The following STK33 variants were observed in gnomAD, a reference collection of about 807,000 sequenced individuals.
STK33 encodes serine/threonine kinase 33.
In STK33, 52 loss-of-function variants were observed where a neutral mutation model predicts 58.0. The ratio of observed to expected loss-of-function variants is 0.90; its 90% CI spans 0.72 to 1.13. The LOEUF is 1.13. STK33 is among the 50% of genes most tolerant of loss of function. The pLI, the probability that STK33 is intolerant of heterozygous loss-of-function variation, is 0.00. For missense variants in STK33, 630 were observed against 604.2 expected, an observed-to-expected ratio of 1.04 and a Z score of -0.45; for synonymous variants, 215 against 200.1, an observed-to-expected ratio of 1.07 and a Z score of -0.63.
chr11:8,498,211 C>T (rs1951211679), intron 1 of STK33, among the ~76,000 whole-genome samples: 1 of 151,998 alleles, frequency 6.6e-6, no homozygotes, highest in Admixed American at 6.6e-5. Flanking sequence ...GAAAAAAGCA[C>T]TCAGCAAACA....
chr11:8,441,015 G>A (rs969780610), intron 11 of STK33, among the ~76,000 whole-genome samples: 3 of 152,096 alleles, frequency 2.0e-5, no homozygotes, highest in African/African-American at 7.2e-5. Flanking sequence ...TCTTTAAATT[G>A]TTAAGAAATG....
At position 8,523,166 on chromosome 11, in the gene STK33, C is replaced by T. The variant is rs1253321758; in HGVS notation, c.-465-42552G>A. Among the ~76,000 whole-genome samples, 7 of 152,296 alleles carry T rather than the reference C, an allele frequency of 4.6e-5. No individual in the cohort carries two copies. The South Asian group carries it at 6.2e-4, about 14-fold the overall frequency. ...ACAACCTCCACCTCCCAGCTGCCTGCGATGGCCTCCCAAAGTGCCGAGATT... is the reference window on the plus strand; with the variant it reads ...ACAACCTCCACCTCCCAGCTGCCTGTGATGGCCTCCCAAAGTGCCGAGATT... On this transcript the variant is annotated intron_variant, in intron 1 of 15. Transcript: ENST00000687296.
At chr11:8,402,613 A>C (rs1384332988) in intron 15 of STK33, among the ~76,000 whole-genome samples, 1 of 144,552 alleles carries the variant, frequency 6.9e-6, no homozygotes, top group Non-Finnish European at 1.5e-5. Flanking sequence ...CTTAAATTAT[A>C]ATAATAAAAA....
chr11:8,548,164 A>T (rs562387690), intron 1 of STK33, among the ~76,000 whole-genome samples: 8 of 151,136 alleles, frequency 5.3e-5, no homozygotes, highest in Admixed American at 2.6e-4. Context: ...AGTATAATAA[A>T]AAAAAAAAAA....
At chr11:8,432,552 T>C (rs905183180) in intron 14 of STK33, among the ~76,000 whole-genome samples, 2 of 152,148 alleles carry the variant, frequency 1.3e-5, no homozygotes, top group South Asian at 2.1e-4. Flanking sequence ...ACAAGAGAAA[T>C]AGTTATTTTT....
chr11:8,541,891 G>A (rs1366531795), intron 1 of STK33, among the ~76,000 whole-genome samples: 3 of 152,086 alleles, frequency 2.0e-5, no homozygotes, highest in Non-Finnish European at 4.4e-5. Flanking sequence ...GATATAATAA[G>A]TTTTAAAGCT....
chr11:8,402,374 CAA>C (rs1178031683), intron 15 of STK33, among the ~76,000 whole-genome samples: 73 of 152,132 alleles, frequency 4.8e-4, no homozygotes, highest in Admixed American at 7.9e-4. Flanking sequence ...GACAAAAAAC[CAA>C]ACACCACGTG....
intron 1 of STK33, among the ~76,000 whole-genome samples, chr11:8,536,416 G>A (rs745674627): frequency 5.3e-5 from 8 of 152,068 alleles, no homozygotes; most frequent in Non-Finnish European, 8.8e-5. Flanking sequence ...AATAATCACC[G>A]TAAAATTTCA....
chr11:8,557,435 G>A (rs1431853706), intron 1 of STK33, among the ~76,000 whole-genome samples: 1 of 151,704 alleles, frequency 6.6e-6, no homozygotes, highest in African/African-American at 2.4e-5. Flanking sequence ...ACTTAAAGCT[G>A]AATTCTTACG....
intron 15 of STK33, among the ~76,000 whole-genome samples, chr11:8,395,051 G>A (rs1849101944): frequency 6.6e-6 from 1 of 152,148 alleles, no homozygotes. Context: ...AATATTAGGT[G>A]GAACCAAATG....
chr11:8,453,019 G>A (rs1591190545), intron 10 of STK33, 113 bp from the exon 11 acceptor site: 2 of 929,706 alleles, frequency 2.2e-6, no homozygotes, highest in East Asian at 2.4e-5. Context: ...CTTGGGGGTG[G>A]GAGGACTTTA....
the STK33 span, among the ~76,000 whole-genome samples, chr11:8,339,411 T>G: frequency 3.3e-5 from 5 of 152,194 alleles, no homozygotes. Context: ...AATTTTGTCT[T>G]TGGTAAATTT....
At chr11:8,401,517 C>T (rs1937950950) in intron 15 of STK33, among the ~76,000 whole-genome samples, 1 of 152,098 alleles carries the variant, frequency 6.6e-6, no homozygotes, top group Non-Finnish European at 1.5e-5. Context: ...CATAAAAACC[C>T]TAGAAGAAAA....
At position 8,464,828 on chromosome 11, in the gene STK33, G is replaced by T. The variant is rs878915804; in HGVS notation, c.340-6C>A. 3.2e-4 allele frequency: 362 copies of T among 1,143,682 alleles called. No individual in the cohort carries two copies. Among genetic ancestry groups the T allele is most frequent in the Middle Eastern group, 7.6e-4 (3 of 3,926 alleles). 70.8% of individuals were successfully genotyped at this position (1,143,682 alleles called of 1,614,324 possible). On this transcript the variant is annotated splice_polypyrimidine_tract_variant and splice_region_variant and intron_variant, in intron 6 of 15. Coordinates refer to ENST00000687296, the MANE Select transcript of STK33 (RefSeq NM_001352389.2). ...CTTCCAAAGGTATAGATTTCCTGGA[G>T]AAAAAAAAAAAAAGAGTTGTCTCTC...
At chr11:8,453,515 C>T (rs765290477) in intron 10 of STK33, among the ~76,000 whole-genome samples, 2 of 152,110 alleles carry the variant, frequency 1.3e-5, no homozygotes, top group Non-Finnish European at 2.9e-5. Context: ...AGGAAAAAAA[C>T]CACAACAACA....
chr11:8,539,779 G>C (rs545303771), intron 1 of STK33, among the ~76,000 whole-genome samples: 1 of 152,234 alleles, frequency 6.6e-6, no homozygotes, highest in African/African-American at 2.4e-5. Context: ...AACTCAGTGA[G>C]GTTACATTAC....
chr11:8,529,248 G>C (rs530636394), intron 1 of STK33, among the ~76,000 whole-genome samples: 6 of 152,324 alleles, frequency 3.9e-5, no homozygotes, highest in African/African-American at 9.6e-5. Flanking sequence ...CATAATTGCT[G>C]ATGCTTCTCC....
chr11:8,560,226 A>G (rs1957029289), intron 1 of STK33, among the ~76,000 whole-genome samples: 1 of 152,134 alleles, frequency 6.6e-6, no homozygotes, highest in Non-Finnish European at 1.5e-5. Context: ...TGCCCTCAAG[A>G]AAGGATATGA....
chr11:8,586,465 T>G (rs2031652282), intron 1 of STK33, among the ~76,000 whole-genome samples: 1 of 152,026 alleles, frequency 6.6e-6, no homozygotes, highest in Admixed American at 6.6e-5. Flanking sequence ...ACAGAAGTGC[T>G]CTCCTCCATC....
Sources: allele counts gnomAD v4.1 joint callset (sites outside exome capture counted in the v4.1 genomes callset), GRCh38; gene constraint gnomAD v4.1.1; transcripts MANE v1.5; gene names NCBI Gene and HGNC (gene_info 2026-07-23, HGNC 2026-07-21).